The following AP3B1 variants were observed in gnomAD, a reference collection of about 807,000 sequenced individuals.
AP3B1 encodes adaptor related protein complex 3 subunit beta 1, also known as AP-3 complex subunit beta-1.
In AP3B1, 61 loss-of-function variants were observed where a neutral mutation model predicts 132.5. The ratio of observed to expected loss-of-function variants is 0.46; its 90% CI spans 0.37 to 0.57. AP3B1 has a LOEUF of 0.57. Ranked by LOEUF, AP3B1 falls within the 20% of genes least tolerant of loss-of-function variation. The pLI is 0.00. For synonymous variants in AP3B1, 388 were observed against 438.3 expected (o/e 0.89, Z 1.43); for missense variants, 1,120 against 1,289.4 (o/e 0.87, Z 2.01).
At chr5:78,215,533 T>C (rs1745924246) in intron 7 of AP3B1, among the ~76,000 whole-genome samples, 1 of 152,182 alleles carries the variant, frequency 6.6e-6, no homozygotes, top group South Asian at 2.1e-4. Context: ...TGCTACCAGC[T>C]AAAGTGAAGA....
At position 78,294,556 on chromosome 5, in the gene AP3B1, G is replaced by A; in HGVS notation, c.24C>T (p.Tyr8=). MSSNSFP[Y]NEQSGGGEAT... ...CCTCCCCTCCTCCGGACTGCTCATT[G>A]TAAGGAAAACTATTGCTGGACATTG... is the stretch of plus-strand genomic sequence containing the variant. Residue 8 remains tyrosine (Y), a synonymous_variant, in exon 1 of 27, where the codon TAC becomes TAT. Coordinates refer to ENST00000255194, the MANE Select transcript of AP3B1 (RefSeq NM_003664.5). The A allele has an allele frequency of 6.2e-7, 1 of 1,614,218 alleles. No individual in the cohort carries two copies. Among genetic ancestry groups the A allele is most frequent in the Non-Finnish European group, 8.5e-7 (1 of 1,180,050 alleles).
intron 15 of AP3B1, among the ~76,000 whole-genome samples, chr5:78,130,490 T>A (rs565750364): frequency 3.0e-4 from 45 of 152,176 alleles, no homozygotes; most frequent in African/African-American, 1.1e-3. Context: ...CCCAGTTTTA[T>A]TAAAGTAGAA....
At chr5:78,254,280 C>T (rs941295437) in intron 2 of AP3B1, among the ~76,000 whole-genome samples, 4 of 152,064 alleles carry the variant, frequency 2.6e-5, no homozygotes, top group South Asian at 4.2e-4. Flanking sequence ...AAATCGATGG[C>T]GGTAGAAAGT....
At chr5:78,233,015 C>T (rs1005736914) in intron 3 of AP3B1, among the ~76,000 whole-genome samples, 1 of 152,044 alleles carries the variant, frequency 6.6e-6, no homozygotes, top group Non-Finnish European at 1.5e-5. Context: ...CCGCCTTCAT[C>T]TATGTTTTTC....
chr5:78,292,303 T>C (rs1163218359), intron 1 of AP3B1, among the ~76,000 whole-genome samples: 1 of 152,220 alleles, frequency 6.6e-6, no homozygotes, highest in African/African-American at 2.4e-5. Flanking sequence ...CTTGTTTCTG[T>C]ACAATTCCAT....
In AP3B1 at chr5:78,216,160, G is replaced by C. The variant is rs200266469; in HGVS notation, c.681C>G (p.Arg227=). Reference sequence around the variant, plus strand: ...CATCCACTAGTAAGTTACATAGCTTGCGGTAATTTTTATGAATCAGATCTA... The same window carrying C: ...CATCCACTAGTAAGTTACATAGCTTCCGGTAATTTTTATGAATCAGATCTA... ...DRIDLIHKNY[R]KLCNLLVDVE... Residue 227 remains arginine, a synonymous_variant, in exon 7 of 27, where the codon CGC becomes CGG. Coordinates refer to ENST00000255194, the MANE Select transcript of AP3B1 (RefSeq NM_003664.5). 2.1e-5 allele frequency: 34 copies of C among 1,613,996 alleles called. No homozygotes were observed. In the South Asian group the frequency reaches 3.7e-4, roughly 18 times the overall value.
At chr5:78,123,335 A>G (rs1215186601) in intron 17 of AP3B1, among the ~76,000 whole-genome samples, 2 of 152,258 alleles carry the variant, frequency 1.3e-5, no homozygotes, top group East Asian at 3.8e-4. Flanking sequence ...ACAAAAGCCA[A>G]AATTGACAAA....
At chr5:78,112,216 G>C (rs372853619) in intron 19 of AP3B1, among the ~76,000 whole-genome samples, 3 of 152,188 alleles carry the variant, frequency 2.0e-5, no homozygotes. Context: ...TTTTTGTGGA[G>C]GAAATATGAT....
intron 7 of AP3B1, among the ~76,000 whole-genome samples, chr5:78,208,059 G>C (rs1256428261): frequency 1.3e-5 from 2 of 151,986 alleles, no homozygotes; most frequent in African/African-American, 4.8e-5. Flanking sequence ...CAAAAGAAAG[G>C]AGAGAGACAG....
intron 7 of AP3B1, among the ~76,000 whole-genome samples, chr5:78,205,400 C>T (rs1745462500): frequency 6.6e-6 from 1 of 151,542 alleles, no homozygotes; most frequent in African/African-American, 2.4e-5. Context: ...TCAATAAATA[C>T]ATTATTTTAA....
chr5:78,006,377 A>G (rs534714084), intron 26 of AP3B1, among the ~76,000 whole-genome samples: 1 of 152,332 alleles, frequency 6.6e-6, no homozygotes, highest in South Asian at 2.1e-4. Flanking sequence ...TAATATACAC[A>G]TAATCTATTA....
chr5:78,108,008 G>C (rs1480735011), intron 20 of AP3B1, among the ~76,000 whole-genome samples: 1 of 152,164 alleles, frequency 6.6e-6, no homozygotes, highest in Non-Finnish European at 1.5e-5. Context: ...CTGAAACAAA[G>C]ATATTCTCTC....
intron 6 of AP3B1, chr5:78,222,525 T>C (rs1405068805): frequency 6.6e-6 from 1 of 152,192 alleles, no homozygotes; most frequent in African/African-American, 2.4e-5. Flanking sequence ...TATAATTGTT[T>C]GGGCCAGTTT....
intron 26 of AP3B1, among the ~76,000 whole-genome samples, chr5:78,004,623 C>T (rs1264413272): frequency 6.6e-6 from 1 of 152,122 alleles, no homozygotes; most frequent in Non-Finnish European, 1.5e-5. Context: ...AACAGATATG[C>T]TAATTTTACT....
chr5:78,014,782 C>G (rs190841004), intron 26 of AP3B1, among the ~76,000 whole-genome samples: 1 of 152,164 alleles, frequency 6.6e-6, no homozygotes, highest in Non-Finnish European at 1.5e-5. Context: ...TCTTTACATT[C>G]ATTTAAAGCC....
chr5:78,158,251 A>T (rs1035117815), intron 13 of AP3B1, among the ~76,000 whole-genome samples: 1 of 152,066 alleles, frequency 6.6e-6, no homozygotes, highest in Non-Finnish European at 1.5e-5. Context: ...TGATCCCAGG[A>T]GTTTGAGACC....
At chr5:78,160,115 T>A (rs1294578309) in intron 13 of AP3B1, among the ~76,000 whole-genome samples, 1 of 152,096 alleles carries the variant, frequency 6.6e-6, no homozygotes, top group Non-Finnish European at 1.5e-5. Flanking sequence ...ATAATATATT[T>A]GTCTTATATT....
chr5:78,066,083 G>A (rs1749277179), intron 22 of AP3B1, among the ~76,000 whole-genome samples: 2 of 152,146 alleles, frequency 1.3e-5, no homozygotes, highest in South Asian at 2.1e-4. Flanking sequence ...TACAGAAGAG[G>A]GGCCCGACTG....
At chr5:78,215,175 A>C (rs1202734083) in intron 7 of AP3B1, among the ~76,000 whole-genome samples, 1 of 152,002 alleles carries the variant, frequency 6.6e-6, no homozygotes, top group Non-Finnish European at 1.5e-5. Flanking sequence ...ATGTATACAG[A>C]CCACTTTGAT....
Sources: allele counts gnomAD v4.1 joint callset (sites outside exome capture counted in the v4.1 genomes callset), GRCh38; gene constraint gnomAD v4.1.1; transcripts MANE v1.5; gene names NCBI Gene and HGNC (gene_info 2026-07-23, HGNC 2026-07-21).